The following ANKRD31 variants were observed in gnomAD, a reference collection of about 807,000 sequenced individuals.
The protein encoded by ANKRD31 is ankyrin repeat domain-containing protein 31.
ANKRD31 carries 147 observed loss-of-function variants against 186.0 expected under a neutral mutation model. The observed-to-expected ratio is 0.79, with a 90% CI of 0.69 to 0.91. The LOEUF (loss-of-function observed/expected upper bound fraction) is 0.91, where lower values mean the gene tolerates loss of function less well. Among genes scored for constraint, ANKRD31 ranks in the 40% least tolerant of loss-of-function variants. ANKRD31 has a pLI of 0.00. For synonymous variants in ANKRD31, 673 were observed against 736.4 expected (o/e 0.91, Z 1.39); for missense variants, 1,986 against 2,148.8 (o/e 0.92, Z 1.50).
chr5:75,084,360 C>T lies in ANKRD31; in HGVS notation c.5487G>A (p.Gly1829=). Reference sequence around the variant, plus strand: ...CAGAAACATACCTTAAAAGCTCCTTCCCAAGATACGTTACCTGCACATAAT... The same window carrying T: ...CAGAAACATACCTTAAAAGCTCCTTTCCAAGATACGTTACCTGCACATAAT... ...NYAWSKVTYL[G]KELLRYVSED... The change falls in exon 24 of 26, where the codon GGG becomes GGA. Residue 1829 remains glycine (G), a synonymous_variant. Coordinates refer to ENST00000506364, the MANE Select transcript of ANKRD31 (RefSeq NM_001372053.1). 1.3e-6 allele frequency: 2 copies of T among 1,536,886 alleles called. No homozygotes were observed. The highest frequency in any genetic ancestry group is 2.4e-5 in the East Asian group (1 of 40,886).
At chr5:75,207,410 G>T (rs985914179) in intron 4 of ANKRD31, among the ~76,000 whole-genome samples, 4 of 152,006 alleles carry the variant, frequency 2.6e-5, no homozygotes, top group Non-Finnish European at 5.9e-5. Flanking sequence ...TCCCTTAATT[G>T]CAAGAGTATT....
intron 17 of ANKRD31, among the ~76,000 whole-genome samples, chr5:75,136,569 C>G (rs1391366320): frequency 1.3e-5 from 2 of 152,206 alleles, no homozygotes; most frequent in African/African-American, 4.8e-5. Context: ...ATTGGTGGGA[C>G]TGTAAACTAG....
At chr5:75,119,910 A>G (rs1748616272) in intron 17 of ANKRD31, among the ~76,000 whole-genome samples, 1 of 152,200 alleles carries the variant, frequency 6.6e-6, no homozygotes, top group Non-Finnish European at 1.5e-5. Flanking sequence ...AACTTCACAG[A>G]ATATTAAAGA....
chr5:75,155,835 C>T (rs1299999759), intron 11 of ANKRD31, among the ~76,000 whole-genome samples: 2 of 152,104 alleles, frequency 1.3e-5, no homozygotes, highest in East Asian at 3.9e-4. Flanking sequence ...CTAGTTTGTG[C>T]CATTCACAGA....
intron 5 of ANKRD31, among the ~76,000 whole-genome samples, chr5:75,201,491 T>G (rs1755820511): frequency 6.6e-6 from 1 of 152,340 alleles, no homozygotes; most frequent in Non-Finnish European, 1.5e-5. Context: ...AAATAAAATT[T>G]CACATCTTTG....
chr5:75,152,944 C>T (rs1751937548), intron 12 of ANKRD31, among the ~76,000 whole-genome samples: 1 of 151,698 alleles, frequency 6.6e-6, no homozygotes, highest in South Asian at 2.1e-4. Flanking sequence ...ATTCTGCTAC[C>T]TTTGAGTGTG....
At chr5:75,190,231 A>C (rs1755012731) in intron 9 of ANKRD31, among the ~76,000 whole-genome samples, 1 of 151,976 alleles carries the variant, frequency 6.6e-6, no homozygotes, top group South Asian at 2.1e-4. Flanking sequence ...ATGTTGCTTA[A>C]GCTGATCTCA....
chr5:75,207,312 T>C (rs75667140), intron 4 of ANKRD31, among the ~76,000 whole-genome samples: 165 of 152,060 alleles, frequency 1.1e-3, no homozygotes, highest in East Asian at 7.1e-3. Context: ...TTGAAGCAAA[T>C]AGAAAAGAAT....
intron 10 of ANKRD31, among the ~76,000 whole-genome samples, chr5:75,171,261 T>TA (rs1753298331): frequency 6.6e-6 from 1 of 152,092 alleles, no homozygotes; most frequent in South Asian, 2.1e-4. Flanking sequence ...CAAAATCATG[T>TA]AAAATGTATC....
At chr5:75,119,857 AT>A (rs1748612342) in intron 17 of ANKRD31, among the ~76,000 whole-genome samples, 1 of 152,114 alleles carries the variant, frequency 6.6e-6, no homozygotes, top group Non-Finnish European at 1.5e-5. Flanking sequence ...GGTACTGAAC[AT>A]TTTTTTCATA....
rs1201965424 is a variant in ANKRD31 at position 75,202,346 on chromosome 5, T to G, written c.404-2672A>C. Among the ~76,000 whole-genome samples the G allele has an allele frequency of 3.3e-5, 5 of 152,326 alleles. 1 individual carries two copies. The Middle Eastern group carries it at 0.01, about 311-fold the overall frequency. ...GATTACTATATTAAAAACCAACACA[T>G]TTAGAAGGAATTATCTTTTCTAACT... is the stretch of plus-strand genomic sequence containing the variant. On this transcript the variant is annotated intron_variant, in intron 5 of 25. Transcript: ENST00000506364.
Position 75,222,303 on chromosome 5 carries a change from C to T in ANKRD31, c.234G>A (p.Glu78=), listed in dbSNP as rs952567311. The change falls in exon 3 of 26, where the codon GAG becomes GAA. Residue 78 remains glutamate (E), a synonymous_variant. Transcript: ENST00000506364. The part of the protein sequence containing the change: ...LGFKLREDLQ[E]QMNKNKMMPV... ...GCATCATCTTATTTTTATTCATTTGCTCTTGCAGATCCTCTCTGAGCTTAA... is the reference window on the plus strand; with the variant it reads ...GCATCATCTTATTTTTATTCATTTGTTCTTGCAGATCCTCTCTGAGCTTAA... 5.9e-6 allele frequency: 9 copies of T among 1,536,700 alleles called. No individual in the cohort carries two copies. The highest frequency in any genetic ancestry group is 7.8e-6 in the Non-Finnish European group (9 of 1,146,728).
Position 75,147,144 on chromosome 5 carries a change from G to C in ANKRD31, c.2267C>G (p.Ser756Cys), listed in dbSNP as rs1215672255. The C allele has an allele frequency of 6.5e-7, 1 of 1,536,214 alleles. No individual in the cohort carries two copies. The highest frequency in any genetic ancestry group is 8.7e-7 in the Non-Finnish European group (1 of 1,146,240). ...NPRKILAVSP[S>C]RRINRLVTYQ... is the part of the protein sequence containing the mutation. ...GGTAACCAATCTGTTTATTCTCCTG[G>C]AAGGAGAGACAGCTAGTATCTTTCT... is the stretch of plus-strand genomic sequence containing the variant. The change falls in exon 14 of 26, where the codon TCC (serine) becomes TGC (cysteine). Residue 756 changes from serine (S) to cysteine (C), a missense_variant. Physicochemically the swap from Ser to Cys is moderately radical, Grantham distance 112. Transcript: ENST00000506364.
At chr5:75,168,287 C>T (rs990818946) in intron 11 of ANKRD31, among the ~76,000 whole-genome samples, 2 of 152,070 alleles carry the variant, frequency 1.3e-5, no homozygotes, top group African/African-American at 4.8e-5. Flanking sequence ...CCTTTCCCAT[C>T]CTAGAAGTTT....
chr5:75,080,523 C>T, intron 25 of ANKRD31, 45 bp downstream of exon 25: 1 of 1,328,526 alleles, frequency 7.5e-7, no homozygotes, highest in African/African-American at 1.5e-5. Flanking sequence ...AGAATCTAAA[C>T]ACTTATAAAA....
intron 22 of ANKRD31, among the ~76,000 whole-genome samples, chr5:75,102,221 A>G (rs987431389): frequency 6.6e-6 from 1 of 152,202 alleles, no homozygotes; most frequent in East Asian, 1.9e-4. Flanking sequence ...TTGCCTGGGT[A>G]TCACCAGCAG....
chr5:75,105,330 C>T (rs1210655548), intron 21 of ANKRD31, 112 bp from the exon 22 acceptor site: 44 of 1,178,928 alleles, frequency 3.7e-5, no homozygotes, highest in Non-Finnish European at 4.8e-5. Context: ...CTTTAAAATA[C>T]ACAAAACTAT....
At chr5:75,125,572 A>G (rs1903839) in intron 17 of ANKRD31, among the ~76,000 whole-genome samples, 76,883 of 152,082 alleles carry the variant, frequency 0.51, 22,413 homozygotes, top group African/African-American at 0.82. Flanking sequence ...TCTTAAAAAC[A>G]TATGCTATAT....
chr5:75,188,997 T>C (rs1312763410), intron 9 of ANKRD31, among the ~76,000 whole-genome samples: 1 of 152,174 alleles, frequency 6.6e-6, no homozygotes, highest in Admixed American at 6.5e-5. Context: ...AAAAGGATTA[T>C]TTAAACCTAG....
Sources: allele counts gnomAD v4.1 joint callset (sites outside exome capture counted in the v4.1 genomes callset), GRCh38; gene constraint gnomAD v4.1.1; transcripts MANE v1.5; gene names NCBI Gene and HGNC (gene_info 2026-07-23, HGNC 2026-07-21).